Variants in KPNA1 observed in about 807,000 individuals in gnomAD.
KPNA1 encodes importin subunit alpha-5.
In KPNA1, 10 loss-of-function variants were observed where a neutral mutation model predicts 70.5. That is an observed-to-expected ratio of 0.14 (90% confidence interval 0.09 to 0.24). KPNA1 has a LOEUF of 0.24. KPNA1 is among the 10% of genes least tolerant of loss of function. KPNA1 has a pLI of 1.00. For synonymous variants in KPNA1, 192 were observed against 221.9 expected, an observed-to-expected ratio of 0.87 and a Z score of 1.20; for missense variants, 397 against 637.9, an observed-to-expected ratio of 0.62 and a Z score of 4.07.
intron 10 of KPNA1, among the ~76,000 whole-genome samples, chr3:122,438,395 T>TG (rs1403407580): frequency 1.4e-5 from 2 of 147,466 alleles, no homozygotes; most frequent in Non-Finnish European, 3.0e-5. Flanking sequence ...TTTTTGTTTT[T>TG]TTTTTTTTGA....
intron 1 of KPNA1, among the ~76,000 whole-genome samples, chr3:122,507,608 A>G (rs2076905256): frequency 6.6e-6 from 1 of 152,136 alleles, no homozygotes; most frequent in African/African-American, 2.4e-5. Context: ...AAGCTTATCA[A>G]CCTACCTAAA....
intron 9 of KPNA1, among the ~76,000 whole-genome samples, chr3:122,448,432 T>C (rs1378764504): frequency 6.6e-6 from 1 of 152,212 alleles, no homozygotes; most frequent in Non-Finnish European, 1.5e-5. Context: ...GATGAGTTCA[T>C]ATCCTTTGCA....
intron 2 of KPNA1, among the ~76,000 whole-genome samples, chr3:122,495,760 TTA>T (rs1466859609): frequency 6.7e-6 from 1 of 149,216 alleles, no homozygotes. Flanking sequence ...CACTTAAGCC[TTA>T]TGTCTTTTCA....
chr3:122,436,341 A>G (rs546851451), intron 11 of KPNA1, among the ~76,000 whole-genome samples: 39 of 152,306 alleles, frequency 2.6e-4, no homozygotes, highest in Non-Finnish European at 4.1e-4. Flanking sequence ...TTGCCTTGTG[A>G]TATTTTATTG....
intron 2 of KPNA1, among the ~76,000 whole-genome samples, chr3:122,468,581 T>C (rs2076407225): frequency 6.6e-6 from 1 of 152,100 alleles, no homozygotes; most frequent in African/African-American, 2.4e-5. Flanking sequence ...TACTAAAATA[T>C]AAAAAACACA....
intron 11 of KPNA1, among the ~76,000 whole-genome samples, chr3:122,436,247 C>A (rs1486852478): frequency 6.6e-6 from 1 of 152,196 alleles, no homozygotes; most frequent in East Asian, 1.9e-4. Flanking sequence ...GTTCTCAAAC[C>A]CTGTCTCCTG....
At chr3:122,449,305 T>G (rs1489333220) in intron 9 of KPNA1, among the ~76,000 whole-genome samples, 1 of 152,160 alleles carries the variant, frequency 6.6e-6, no homozygotes. Context: ...TCTCAGGCCA[T>G]CCAGTATGAG....
At chr3:122,452,595 A>C (rs1416209385) in intron 6 of KPNA1, among the ~76,000 whole-genome samples, 4 of 92,038 alleles carry the variant, frequency 4.3e-5, no homozygotes, top group Non-Finnish European at 6.7e-5. Context: ...GGAAGGAAGG[A>C]AGGAAGGAAG....
chr3:122,500,382 A>G (rs1304232976), intron 1 of KPNA1, among the ~76,000 whole-genome samples: 3 of 152,144 alleles, frequency 2.0e-5, no homozygotes, highest in Admixed American at 1.3e-4. Flanking sequence ...TCTGCCTCCC[A>G]AAGTGCTGGG....
chr3:122,474,407 G>A (rs2076475450), intron 2 of KPNA1, among the ~76,000 whole-genome samples: 1 of 152,080 alleles, frequency 6.6e-6, no homozygotes, highest in Non-Finnish European at 1.5e-5. Flanking sequence ...AAAGGACAAA[G>A]TTAGAGGAAT....
At chr3:122,500,956 C>T (rs1256222530) in intron 1 of KPNA1, among the ~76,000 whole-genome samples, 1 of 151,172 alleles carries the variant, frequency 6.6e-6, no homozygotes, top group Non-Finnish European at 1.5e-5. Flanking sequence ...GTTTACTCTG[C>T]TCTTCTTAAC....
chr3:122,507,915 T>C (rs1201580690), intron 1 of KPNA1, among the ~76,000 whole-genome samples: 1 of 152,138 alleles, frequency 6.6e-6, no homozygotes, highest in Non-Finnish European at 1.5e-5. Context: ...AGAACACTTA[T>C]GAGGGTTTTC....
At chr3:122,433,242 A>T (rs2075937568) in intron 12 of KPNA1, 1 of 155,968 alleles carries the variant, frequency 6.4e-6, no homozygotes, top group Non-Finnish European at 1.4e-5. Context: ...ATCCAATTCT[A>T]CTATTAAGAC....
At chr3:122,432,148 C>A (rs370218732) in intron 12 of KPNA1, among the ~76,000 whole-genome samples, 1 of 152,150 alleles carries the variant, frequency 6.6e-6, no homozygotes, top group African/African-American at 2.4e-5. Context: ...AATATAGAGA[C>A]AATTAATAAC....
intron 5 of KPNA1, among the ~76,000 whole-genome samples, chr3:122,455,943 A>G (rs1045633715): frequency 9.2e-5 from 14 of 152,192 alleles, no homozygotes; most frequent in African/African-American, 3.1e-4. Flanking sequence ...TTTCTTGTGT[A>G]CAAATGAGGA....
At chr3:122,493,084 A>G (rs962710562) in intron 2 of KPNA1, among the ~76,000 whole-genome samples, 1 of 152,260 alleles carries the variant, frequency 6.6e-6, no homozygotes, top group Admixed American at 6.5e-5. Flanking sequence ...AGTACCTGAC[A>G]TAACAAACAC....
rs1054271598 is a variant in KPNA1 at position 122,424,146 on chromosome 3, G to T, written c.*2839C>A. On this transcript the variant is annotated 3_prime_UTR_variant, in exon 14 of 14. Coordinates refer to ENST00000344337, the MANE Select transcript of KPNA1 (RefSeq NM_002264.4). ...GTTCTCATTACAAATAATATAGATT[G>T]GAAGTTTGGAGGATGGAGGGGAATA... 6.6e-6 allele frequency: 1 copy of T among 152,046 alleles called. No individual in the cohort carries two copies. The highest frequency in any genetic ancestry group is 1.5e-5 in the Non-Finnish European group (1 of 67,992). The allele number at this position is 152,046 out of a possible 1,614,324, so 9.4% of individuals were successfully genotyped here.
chr3:122,502,573 T>C (rs1229561017), intron 1 of KPNA1, among the ~76,000 whole-genome samples: 1 of 152,182 alleles, frequency 6.6e-6, no homozygotes, highest in Non-Finnish European at 1.5e-5. Flanking sequence ...AGCCACACAG[T>C]CTGCAGTATT....
intron 1 of KPNA1, among the ~76,000 whole-genome samples, chr3:122,512,925 T>C (rs904056496): frequency 2.2e-5 from 2 of 92,374 alleles, no homozygotes; most frequent in Non-Finnish European, 5.5e-5. Context: ...TACTCAACTA[T>C]AATAACTGAC....
Sources: gnomAD v4.1 joint callset for allele counts (sites outside exome capture counted in the v4.1 genomes callset) on GRCh38, gnomAD v4.1.1 for gene constraint, MANE v1.5 for transcripts, NCBI Gene and HGNC (gene_info 2026-07-23, HGNC 2026-07-21) for gene names.